LPGAT1: variants seen among roughly 807,000 people sequenced by gnomAD.
The protein encoded by LPGAT1 is acyl-CoA:lysophosphatidylglycerol acyltransferase 1.
LPGAT1 carries 11 observed loss-of-function variants against 47.5 expected under a neutral mutation model. The observed-to-expected ratio is 0.23, with a 90% CI of 0.15 to 0.38. The LOEUF (loss-of-function observed/expected upper bound fraction) is 0.38, where lower values mean the gene tolerates loss of function less well. LPGAT1 is among the 10% of genes least tolerant of loss of function. The probability of loss-of-function intolerance (pLI) is 1.00; values close to 1 mark genes in which losing one functional copy is unlikely to be tolerated. For missense variants in LPGAT1, 293 were observed against 439.0 expected (o/e 0.67, Z 2.97); for synonymous variants, 138 against 144.2 (o/e 0.96, Z 0.31).
At chr1:211,805,832 A>G (rs1659736268) in intron 2 of LPGAT1, among the ~76,000 whole-genome samples, 1 of 152,240 alleles carries the variant, frequency 6.6e-6, no homozygotes, top group Non-Finnish European at 1.5e-5. Context: ...GAAAAAGACA[A>G]GCAAACAAAA....
At chr1:211,781,243 T>C (rs1375853714) in intron 5 of LPGAT1, among the ~76,000 whole-genome samples, 1 of 152,250 alleles carries the variant, frequency 6.6e-6, no homozygotes, top group Non-Finnish European at 1.5e-5. Flanking sequence ...GCTTTAGTTA[T>C]AAACTAGTTC....
At position 211,800,030 on chromosome 1, in the gene LPGAT1, C is replaced by T. The variant is rs542436966; in HGVS notation, c.239-6840G>A. Among the ~76,000 whole-genome samples, 48 of 131,064 alleles carry T rather than the reference C, an allele frequency of 3.7e-4. 1 individual carries two copies. The South Asian group carries it at 0.011, about 30-fold the overall frequency. 86.0% of individuals were successfully genotyped at this position (131,064 alleles called of 152,430 possible). On this transcript the variant is annotated intron_variant, in intron 2 of 7. Transcript: ENST00000366997. ...CTATTTTTCTTCTTCTTACTACTAC[C>T]ATTCTTTATTATTATTATTATTGAG... is the stretch of plus-strand genomic sequence containing the variant.
chr1:211,811,366 G>A (rs148663713), intron 2 of LPGAT1, among the ~76,000 whole-genome samples: 24 of 152,314 alleles, frequency 1.6e-4, no homozygotes, highest in African/African-American at 5.3e-4. Context: ...AAAGCCAGTA[G>A]GTAAAAGGAA....
intron 2 of LPGAT1, among the ~76,000 whole-genome samples, chr1:211,822,335 C>T (rs1054447286): frequency 6.6e-6 from 1 of 152,224 alleles, no homozygotes; most frequent in Admixed American, 6.5e-5. Context: ...GTAGTACCAC[C>T]AAATTGCTGA....
At chr1:211,783,164 A>G (rs1426892346) in intron 5 of LPGAT1, 65 bp downstream of exon 5, 2 of 1,360,128 alleles carry the variant, frequency 1.5e-6, no homozygotes, top group Non-Finnish European at 1.0e-6. Context: ...AACAATGATC[A>G]TCTTCTGTAA....
At chr1:211,751,512 C>A (rs879885188) in intron 6 of LPGAT1, among the ~76,000 whole-genome samples, 1 of 152,124 alleles carries the variant, frequency 6.6e-6, no homozygotes, top group Admixed American at 6.6e-5. Context: ...CACAGAGACT[C>A]TGCCCAAATC....
intron 5 of LPGAT1, 108 bp downstream of exon 5, chr1:211,783,121 T>C (rs1183332872): frequency 6.1e-5 from 65 of 1,058,916 alleles, no homozygotes; most frequent in East Asian, 3.3e-4. Context: ...CTTCTCCCTA[T>C]TATTTTTAAC....
chr1:211,782,947 G>T (rs1336166943), intron 5 of LPGAT1, among the ~76,000 whole-genome samples: 1 of 152,152 alleles, frequency 6.6e-6, no homozygotes, highest in Non-Finnish European at 1.5e-5. Flanking sequence ...AATATGTAAA[G>T]ATGTTTATAA....
At position 211,816,531 on chromosome 1, in the gene LPGAT1, G is replaced by A. The variant is rs149031736; in HGVS notation, c.238+12528C>T. Among the ~76,000 whole-genome samples the A allele has an allele frequency of 1.2e-3, 177 of 152,254 alleles. 1 individual carries two copies. Among genetic ancestry groups the A allele is most frequent in the African/African-American group, 3.9e-3 (164 of 41,552 alleles). On this transcript the variant is annotated intron_variant, in intron 2 of 7. Coordinates refer to ENST00000366997, the MANE Select transcript of LPGAT1 (RefSeq NM_014873.3). ...TATTGATTGATTAAAGCAAGAACTC[G>A]ATTGAGCTACACTACTAGCTAGGCC...
chr1:211,783,867 T>C (rs766270244), intron 4 of LPGAT1, among the ~76,000 whole-genome samples: 7 of 152,148 alleles, frequency 4.6e-5, no homozygotes, highest in Non-Finnish European at 1.0e-4. Context: ...CATTCTAGTT[T>C]GGGAAGATGG....
At chr1:211,773,730 T>A (rs956391282) in intron 6 of LPGAT1, among the ~76,000 whole-genome samples, 8 of 152,216 alleles carry the variant, frequency 5.3e-5, no homozygotes, top group Non-Finnish European at 1.2e-4. Flanking sequence ...TATTAACCAC[T>A]GAACAGCAGT....
At chr1:211,812,100 C>T (rs571439545) in intron 2 of LPGAT1, among the ~76,000 whole-genome samples, 146 of 152,284 alleles carry the variant, frequency 9.6e-4, no homozygotes, top group Non-Finnish European at 1.5e-3. Context: ...ACTTGTTAAA[C>T]GGCCTGGCAC....
In LPGAT1 at chr1:211,783,518, A is replaced by G; in HGVS notation, c.454-16T>C. 2 of 1,606,368 alleles carry G rather than the reference A, an allele frequency of 1.2e-6. No homozygotes were observed. Among genetic ancestry groups the G allele is most frequent in the Non-Finnish European group, 1.7e-6 (2 of 1,175,454 alleles). On this transcript the variant is annotated splice_polypyrimidine_tract_variant and intron_variant, in intron 4 of 7. Transcript: ENST00000366997. ...AAGATCTTCCCTAGAAGGTACACAC[A>G]CACGTAATAAGTACAGGTATATCCA... is the stretch of plus-strand genomic sequence containing the variant.
At chr1:211,778,891 T>A in intron 6 of LPGAT1, 27 bp downstream of exon 6, 1 of 1,539,644 alleles carries the variant, frequency 6.5e-7, no homozygotes, top group Non-Finnish European at 8.7e-7. Flanking sequence ...GTTGGATATA[T>A]ACTGAGTACT....
intron 6 of LPGAT1, among the ~76,000 whole-genome samples, chr1:211,762,667 C>T (rs571715291): frequency 1.7e-4 from 26 of 152,196 alleles, no homozygotes; most frequent in African/African-American, 5.8e-4. Context: ...GAAAAACTAG[C>T]TCCTAATTTT....
At chr1:211,817,732 C>T (rs115861007) in intron 2 of LPGAT1, among the ~76,000 whole-genome samples, 3,642 of 152,234 alleles carry the variant, frequency 0.024, 80 homozygotes, top group South Asian at 0.11. Flanking sequence ...AACCTTGTGA[C>T]CACAGCTTTT....
At chr1:211,753,110 C>T (rs1657273495) in intron 6 of LPGAT1, among the ~76,000 whole-genome samples, 1 of 152,234 alleles carries the variant, frequency 6.6e-6, no homozygotes, top group Non-Finnish European at 1.5e-5. Context: ...AGAAATTTCA[C>T]CCAGATGCTG....
intron 6 of LPGAT1, among the ~76,000 whole-genome samples, chr1:211,752,188 T>C (rs1657217946): frequency 1.3e-5 from 2 of 152,230 alleles, no homozygotes; most frequent in Admixed American, 6.5e-5. Flanking sequence ...TTATGTATCA[T>C]TTTTCATTTG....
chr1:211,758,884 A>G (rs1481395147), intron 6 of LPGAT1, among the ~76,000 whole-genome samples: 1 of 152,116 alleles, frequency 6.6e-6, no homozygotes, highest in African/African-American at 2.4e-5. Flanking sequence ...TTCTATTTCC[A>G]ATTTGCTAAG....
Sources: gnomAD v4.1 joint callset for allele counts (sites outside exome capture counted in the v4.1 genomes callset) on GRCh38, gnomAD v4.1.1 for gene constraint, MANE v1.5 for transcripts, NCBI Gene and HGNC (gene_info 2026-07-23, HGNC 2026-07-21) for gene names.